The following PPFIA2 variants were observed in gnomAD, a reference collection of about 807,000 sequenced individuals.
The protein encoded by PPFIA2 is liprin-alpha-2.
A neutral mutation model predicts 175.5 loss-of-function variants in PPFIA2; 46 were observed. The ratio of observed to expected loss-of-function variants is 0.26; its 90% CI spans 0.21 to 0.34. The LOEUF (loss-of-function observed/expected upper bound fraction) is 0.34. Among genes scored for constraint, PPFIA2 ranks in the 10% least tolerant of loss-of-function variants. The probability of loss-of-function intolerance (pLI) is 1.00; values close to 1 mark genes in which losing one functional copy is unlikely to be tolerated. For missense variants in PPFIA2, 1,179 were observed against 1,506.1 expected (o/e 0.78, Z 3.60); for synonymous variants, 568 against 511.4 (o/e 1.11, Z -1.49).
chr12:81,651,235 G>A (rs927412679), intron 4 of PPFIA2, among the ~76,000 whole-genome samples: 2 of 152,082 alleles, frequency 1.3e-5, no homozygotes, highest in African/African-American at 4.8e-5. Flanking sequence ...AGAGACTGCT[G>A]GAGGGAAAAG....
At chr12:81,540,656 A>G (rs1191348798) in intron 4 of PPFIA2, among the ~76,000 whole-genome samples, 1 of 152,086 alleles carries the variant, frequency 6.6e-6, no homozygotes, top group African/African-American at 2.4e-5. Flanking sequence ...TAGTCTTGAT[A>G]TACATTGTTG....
At chr12:81,340,777 A>C (rs951255517) in intron 20 of PPFIA2, among the ~76,000 whole-genome samples, 1 of 152,074 alleles carries the variant, frequency 6.6e-6, no homozygotes, top group Non-Finnish European at 1.5e-5. Flanking sequence ...TAATATTTCT[A>C]GTAAGTCCTT....
rs560174358 is a variant in PPFIA2, at chr12:81,749,558, A to G, written c.249+4415T>C. ...ATTAATAACTGACAATTATTCCCCCATTCTCAAAAATGTGTAGGATTATTT... is the reference window on the plus strand; with the variant it reads ...ATTAATAACTGACAATTATTCCCCCGTTCTCAAAAATGTGTAGGATTATTT... On this transcript the variant is annotated intron_variant, in intron 3 of 32. Transcript: ENST00000549396. Among the ~76,000 whole-genome samples, 9 of 144,230 alleles carry G rather than the reference A, an allele frequency of 6.2e-5. 1 individual carries two copies. The highest frequency in any genetic ancestry group is 1.2e-4 in the African/African-American group (5 of 41,188). 94.6% of individuals were successfully genotyped at this position (144,230 alleles called of 152,430 possible).
At chr12:81,424,806 G>C (rs903967216) in intron 7 of PPFIA2, 1 of 152,130 alleles carries the variant, frequency 6.6e-6, no homozygotes, top group Admixed American at 6.5e-5. Context: ...TGCCATCTGT[G>C]ACAGGCACTT....
intron 6 of PPFIA2, among the ~76,000 whole-genome samples, chr12:81,445,218 A>AGG (rs796127107): frequency 2.9e-3 from 136 of 46,782 alleles, no homozygotes; most frequent in Non-Finnish European, 4.5e-3. Context: ...GGGGGGGGGG[A>AGG]GGGGGGAGAG....
At chr12:81,499,087 T>C (rs1225897274) in intron 4 of PPFIA2, among the ~76,000 whole-genome samples, 2 of 152,238 alleles carry the variant, frequency 1.3e-5, no homozygotes, top group Non-Finnish European at 2.9e-5. Context: ...GCTGCAAGAA[T>C]GTCAATACTT....
intron 22 of PPFIA2, 58 bp from the exon 23 acceptor site, chr12:81,299,440 T>C (rs2047283237): frequency 1.3e-6 from 2 of 1,513,414 alleles, no homozygotes; most frequent in Admixed American, 4.2e-5. Context: ...GCTGTGATTA[T>C]TTTTAATGAT....
rs138552430 is a variant in PPFIA2, at chr12:81,457,279, C to T, written c.405+486G>A. On this transcript the variant is annotated intron_variant, in intron 5 of 32. Transcript: ENST00000549396. ...GATTACAGGCATGAGGCATCGCGTCCGGCCTTTTTTTTTTTTTCCTTTTTA... is the reference window on the plus strand; with the variant it reads ...GATTACAGGCATGAGGCATCGCGTCTGGCCTTTTTTTTTTTTTCCTTTTTA... Among the ~76,000 whole-genome samples the T allele has an allele frequency of 2.9e-3, 435 of 150,664 alleles. 2 individuals carry two copies. The highest frequency in any genetic ancestry group is 1.0e-2 in the African/African-American group (409 of 41,090).
intron 4 of PPFIA2, among the ~76,000 whole-genome samples, chr12:81,511,961 C>A (rs1359261334): frequency 6.6e-6 from 1 of 151,686 alleles, no homozygotes; most frequent in Admixed American, 6.6e-5. Context: ...AGTCTAACAA[C>A]TTTTTAGGTT....
At chr12:81,388,813 C>A (rs2039516437) in intron 8 of PPFIA2, among the ~76,000 whole-genome samples, 1 of 151,898 alleles carries the variant, frequency 6.6e-6, no homozygotes, top group South Asian at 2.1e-4. Flanking sequence ...AATTAAAATG[C>A]AGAACTTTTA....
chr12:81,727,515 T>C (rs981389611), intron 3 of PPFIA2, among the ~76,000 whole-genome samples: 1 of 151,364 alleles, frequency 6.6e-6, no homozygotes, highest in African/African-American at 2.4e-5. Context: ...GGATCTCTAC[T>C]TTTGCTACTC....
intron 9 of PPFIA2, among the ~76,000 whole-genome samples, chr12:81,379,250 C>T (rs1247307401): frequency 6.6e-6 from 1 of 151,830 alleles, no homozygotes; most frequent in East Asian, 1.9e-4. Context: ...AAACTTGCTA[C>T]CTACAAAAAA....
intron 4 of PPFIA2, among the ~76,000 whole-genome samples, chr12:81,670,654 T>A (rs567981924): frequency 1.3e-5 from 2 of 152,056 alleles, no homozygotes; most frequent in African/African-American, 4.8e-5. Context: ...CAGTTGTTAG[T>A]CTTCCATTTA....
chr12:81,520,102 G>T (rs961537269), intron 4 of PPFIA2, among the ~76,000 whole-genome samples: 13 of 152,178 alleles, frequency 8.5e-5, no homozygotes, highest in Admixed American at 8.5e-4. Context: ...TGAGGTAAAA[G>T]ATGTAGGCAT....
chr12:81,336,154 G>T (rs2057100596), intron 21 of PPFIA2, among the ~76,000 whole-genome samples: 1 of 152,120 alleles, frequency 6.6e-6, no homozygotes, highest in South Asian at 2.1e-4. Flanking sequence ...ATAAAAACTT[G>T]AAATCTCCTA....
intron 4 of PPFIA2, among the ~76,000 whole-genome samples, chr12:81,579,065 C>T (rs2074019545): frequency 6.6e-6 from 1 of 151,764 alleles, no homozygotes; most frequent in Admixed American, 6.6e-5. Context: ...AATCATGAGA[C>T]AAGTTATTAG....
chr12:81,492,344 A>T (rs1475390885), intron 4 of PPFIA2, among the ~76,000 whole-genome samples: 1 of 152,114 alleles, frequency 6.6e-6, no homozygotes, highest in Non-Finnish European at 1.5e-5. Context: ...AGCAGACTAA[A>T]TTTAGTCAAA....
chr12:81,637,603 C>T (rs1022185336), intron 4 of PPFIA2, among the ~76,000 whole-genome samples: 3 of 152,052 alleles, frequency 2.0e-5, no homozygotes, highest in Admixed American at 1.3e-4. Flanking sequence ...CTGCCTGATT[C>T]CTCTGTTACA....
chr12:81,443,001 A>G (rs1231545862), intron 6 of PPFIA2, among the ~76,000 whole-genome samples: 2 of 149,410 alleles, frequency 1.3e-5, no homozygotes, highest in Non-Finnish European at 3.0e-5. Flanking sequence ...TTAGACACAT[A>G]TGAGTCCCTC....
Sources: gnomAD v4.1 joint callset for allele counts (sites outside exome capture counted in the v4.1 genomes callset) on GRCh38, gnomAD v4.1.1 for gene constraint, MANE v1.5 for transcripts, NCBI Gene and HGNC (gene_info 2026-07-23, HGNC 2026-07-21) for gene names.